The following AGPAT5 variants were observed in gnomAD, a reference collection of about 807,000 sequenced individuals.
AGPAT5 encodes 1-acylglycerol-3-phosphate O-acyltransferase 5.
A neutral mutation model predicts 45.6 loss-of-function variants in AGPAT5; 46 were observed. The observed-to-expected ratio is 1.01, with a 90% confidence interval of 0.80 to 1.29. AGPAT5 has a LOEUF of 1.29. AGPAT5 is among the 50% of genes most tolerant of loss of function. The pLI is 0.00. For missense variants in AGPAT5, 673 were observed against 450.7 expected (o/e 1.49, Z -4.47); for synonymous variants, 272 against 167.0 (o/e 1.63, Z -4.85).
At chr8:6,734,402 C>G (rs1003388192) in intron 4 of AGPAT5, among the ~76,000 whole-genome samples, 5 of 152,046 alleles carry the variant, frequency 3.3e-5, no homozygotes, top group African/African-American at 1.2e-4. Flanking sequence ...TTAAGGCACT[C>G]TTCATCTCTG....
At position 6,757,274 on chromosome 8, in the gene AGPAT5, C is replaced by G; in HGVS notation, c.981C>G (p.Ile327Met). 1.2e-6 allele frequency: 2 copies of G among 1,614,150 alleles called. No individual in the cohort carries two copies. The highest frequency in any genetic ancestry group is 1.1e-5 in the South Asian group (1 of 91,076). ...AGAAGACTTTACCATCAATGTTGAT[C>G]TTAAGTGGTTTGACTGCAGGCATGC... ...SIKKTLPSML[I>M]LSGLTAGMLM... The change falls in exon 8 of 8, where the codon ATC (isoleucine) becomes ATG (methionine). Residue 327 changes from isoleucine (I) to methionine (M), a missense_variant. Ile to Met is a conservative substitution (Grantham distance 10). Transcript: ENST00000285518.
intron 2 of AGPAT5, among the ~76,000 whole-genome samples, chr8:6,729,794 C>T (rs1296692407): frequency 1.3e-5 from 2 of 152,166 alleles, no homozygotes; most frequent in Non-Finnish European, 2.9e-5. Flanking sequence ...TCAATTCATA[C>T]CATCTTACCC....
intron 4 of AGPAT5, among the ~76,000 whole-genome samples, chr8:6,736,377 A>G (rs1013502258): frequency 2.6e-5 from 4 of 152,190 alleles, no homozygotes; most frequent in Non-Finnish European, 5.9e-5. Context: ...TTTTCATTAT[A>G]TGAAGTGCTG....
intron 1 of AGPAT5, among the ~76,000 whole-genome samples, chr8:6,718,431 C>T (rs973824297): frequency 6.6e-5 from 10 of 152,172 alleles, no homozygotes; most frequent in African/African-American, 2.2e-4. Flanking sequence ...TGGCAGAACC[C>T]ACAGTCTACA....
At chr8:6,714,786 C>T (rs1313499247) in intron 1 of AGPAT5, among the ~76,000 whole-genome samples, 1 of 152,210 alleles carries the variant, frequency 6.6e-6, no homozygotes, top group Non-Finnish European at 1.5e-5. Context: ...AATATACCTG[C>T]ATACCTATGG....
intron 1 of AGPAT5, among the ~76,000 whole-genome samples, chr8:6,716,966 T>G (rs778027272): frequency 1.3e-5 from 2 of 152,172 alleles, no homozygotes; most frequent in Non-Finnish European, 2.9e-5. Flanking sequence ...GCATAACTAG[T>G]TGATAAGTTT....
At chr8:6,754,018 G>A (rs992952920) in intron 6 of AGPAT5, among the ~76,000 whole-genome samples, 2 of 152,134 alleles carry the variant, frequency 1.3e-5, no homozygotes, top group African/African-American at 2.4e-5. Context: ...CTCAGAACAC[G>A]TCTTTGAACG....
At chr8:6,753,270 A>G (rs906054535) in intron 6 of AGPAT5, among the ~76,000 whole-genome samples, 7 of 152,146 alleles carry the variant, frequency 4.6e-5, no homozygotes, top group African/African-American at 4.8e-5. Context: ...TCTATTTCTG[A>G]CATTCGAAAT....
chr8:6,753,983 C>T (rs779464836), intron 6 of AGPAT5, among the ~76,000 whole-genome samples: 3 of 152,142 alleles, frequency 2.0e-5, no homozygotes, highest in African/African-American at 7.2e-5. Context: ...CTTCCTCGGA[C>T]GGTGGAGTGT....
chr8:6,749,521 A>G (rs756954120), intron 6 of AGPAT5, among the ~76,000 whole-genome samples: 1 of 152,178 alleles, frequency 6.6e-6, no homozygotes, highest in Non-Finnish European at 1.5e-5. Context: ...CCACCCTGCT[A>G]CCTGGCCTTC....
intron 6 of AGPAT5, among the ~76,000 whole-genome samples, chr8:6,752,177 A>C (rs1801678660): frequency 6.6e-6 from 1 of 151,798 alleles, no homozygotes; most frequent in Admixed American, 6.6e-5. Flanking sequence ...AATCCGCCTA[A>C]AAAAAAAGGG....
chr8:6,741,554 A>C (rs532350812), intron 4 of AGPAT5, 107 bp from the exon 5 acceptor site: 3 of 682,706 alleles, frequency 4.4e-6, no homozygotes, highest in Non-Finnish European at 7.4e-6. Flanking sequence ...ATTTTCTCCT[A>C]CTGTAGGAAA....
chr8:6,718,621 G>T (rs1462990007), intron 1 of AGPAT5, among the ~76,000 whole-genome samples: 1 of 152,204 alleles, frequency 6.6e-6, no homozygotes, highest in Non-Finnish European at 1.5e-5. Flanking sequence ...ACAGGCGGCT[G>T]ATGATTCCAT....
intron 1 of AGPAT5, among the ~76,000 whole-genome samples, chr8:6,713,975 T>A (rs1316126153): frequency 6.6e-6 from 1 of 152,224 alleles, no homozygotes; most frequent in Admixed American, 6.5e-5. Flanking sequence ...TGAGTTAAAT[T>A]TATATTCTGA....
At chr8:6,754,910 T>C (rs1801779884) in intron 6 of AGPAT5, 141 bp from the exon 7 acceptor site, 1 of 637,896 alleles carries the variant, frequency 1.6e-6, no homozygotes, top group Non-Finnish European at 2.5e-6. Flanking sequence ...TTTTTAACTT[T>C]TGTTTATTTT....
intron 1 of AGPAT5, chr8:6,709,151 C>T (rs528207180): frequency 1.1e-5 from 6 of 552,528 alleles, no homozygotes; most frequent in South Asian, 4.0e-5. Flanking sequence ...GGGTCTGATG[C>T]TGCTTAGCAA....
Position 6,757,510 on chromosome 8 carries a change from T to C in AGPAT5, c.*122T>C, listed in dbSNP as rs1801885121. On this transcript the variant is annotated 3_prime_UTR_variant, in exon 8 of 8. Coordinates refer to ENST00000285518, the MANE Select transcript of AGPAT5 (RefSeq NM_018361.5). ...TAAATAAAGCCTTGTTGATTGAAGA[T>C]TGGATAATAGAATTTGTGACGAAAG... 3.9e-6 allele frequency: 3 copies of C among 767,712 alleles called. No individual in the cohort carries two copies. The highest frequency in any genetic ancestry group is 2.6e-5 in the East Asian group (1 of 38,022). The allele number at this position is 767,712 out of a possible 1,614,324, so 47.6% of individuals were successfully genotyped here.
At chr8:6,755,307 G>A in intron 7 of AGPAT5, 133 bp downstream of exon 7, 1 of 1,015,564 alleles carries the variant, frequency 9.8e-7, no homozygotes. Context: ...CAAATTTTAT[G>A]CATGTCTGAT....
intron 1 of AGPAT5, among the ~76,000 whole-genome samples, chr8:6,716,356 C>T (rs1245390404): frequency 2.0e-5 from 3 of 152,018 alleles, no homozygotes; most frequent in Admixed American, 6.6e-5. Context: ...GTCAGGCATT[C>T]GAGACCAGTC....
Sources: allele counts gnomAD v4.1 joint callset (sites outside exome capture counted in the v4.1 genomes callset), GRCh38; gene constraint gnomAD v4.1.1; transcripts MANE v1.5; gene names NCBI Gene and HGNC (gene_info 2026-07-23, HGNC 2026-07-21).